Variants in ATP6V1H observed in about 807,000 individuals in gnomAD.
ATP6V1H encodes the protein ATPase H+ transporting V1 subunit H, also known as V-type proton ATPase subunit H.
ATP6V1H carries 39 observed loss-of-function variants against 71.7 expected under a neutral mutation model. That is an observed-to-expected ratio of 0.54 (90% CI 0.42 to 0.71). The LOEUF (loss-of-function observed/expected upper bound fraction) is 0.71. ATP6V1H is among the 30% of genes least tolerant of loss of function. The pLI, the probability that ATP6V1H is intolerant of heterozygous loss-of-function variation, is 0.00. For synonymous variants in ATP6V1H, 192 were observed against 199.3 expected, an observed-to-expected ratio of 0.96 and a Z score of 0.31; for missense variants, 509 against 594.9, an observed-to-expected ratio of 0.86 and a Z score of 1.50.
intron 13 of ATP6V1H, among the ~76,000 whole-genome samples, chr8:53,723,937 A>C (rs1806713800): frequency 6.6e-6 from 1 of 152,256 alleles, no homozygotes; most frequent in Non-Finnish European, 1.5e-5. Context: ...GAATGGACCT[A>C]CTATCACCAA....
At position 53,819,570 on chromosome 8, in the gene ATP6V1H, ATATATATATATATAT is replaced by A. The variant is rs1585823710; in HGVS notation, c.307-2055_307-2041del. Among the ~76,000 whole-genome samples the A allele has an allele frequency of 3.9e-5, 5 of 129,644 alleles. No homozygotes were observed. In the East Asian group the frequency reaches 7.0e-4, roughly 18 times the overall value. The allele number at this position is 129,644 out of a possible 152,430, so 85.1% of individuals were successfully genotyped here. A position where few individuals can be genotyped will look rare whatever the true frequency, so the allele number is the denominator to read the frequency against. ...AGCATATATATATATATATATATAT[ATATATATATATATAT>A]AAAATACACACACATACACACATTG... is the stretch of plus-strand genomic sequence containing the variant. On this transcript the variant is annotated intron_variant, in intron 4 of 13. Transcript: ENST00000359530.
intron 13 of ATP6V1H, among the ~76,000 whole-genome samples, chr8:53,721,693 G>A (rs1214918761): frequency 6.6e-6 from 1 of 152,102 alleles, no homozygotes; most frequent in Admixed American, 6.5e-5. Context: ...ACGACTAATA[G>A]TACTACCTCA....
intron 11 of ATP6V1H, among the ~76,000 whole-genome samples, chr8:53,766,687 AC>A (rs1230966119): frequency 3.3e-5 from 5 of 152,152 alleles, no homozygotes; most frequent in Admixed American, 6.5e-5. Context: ...CCCAGGGTGT[AC>A]CTGTCTCTTA....
At chr8:53,762,338 C>T (rs1027166165) in intron 11 of ATP6V1H, among the ~76,000 whole-genome samples, 7 of 151,864 alleles carry the variant, frequency 4.6e-5, no homozygotes, top group African/African-American at 1.5e-4. Context: ...GGAAATCCTA[C>T]ATGAATGAAG....
intron 9 of ATP6V1H, among the ~76,000 whole-genome samples, chr8:53,792,285 C>A (rs1809591646): frequency 6.6e-6 from 1 of 152,194 alleles, no homozygotes; most frequent in Non-Finnish European, 1.5e-5. Flanking sequence ...AAGACTGTTA[C>A]TTTCATAAAT....
chr8:53,771,102 C>T (rs780629740), intron 10 of ATP6V1H, among the ~76,000 whole-genome samples: 7 of 152,102 alleles, frequency 4.6e-5, no homozygotes, highest in East Asian at 1.9e-4. Context: ...GCAGGGCAGA[C>T]GGAACCTCAC....
chr8:53,715,982 G>A lies in ATP6V1H; in HGVS notation c.1434C>T (p.Thr478=), dbSNP rs753680477. The change falls in exon 14 of 14, where the codon ACC becomes ACT. Residue 478 remains threonine, a synonymous_variant. Transcript: ENST00000359530. ...GKQLQSEQPQ[T]AAARS is the part of the protein sequence containing the mutation. ...GGCAGGCTTAGCTTCGGGCGGCAGC[G>A]GTCTGGGGCTGCTCGGACTGGAGCT... 33 of 1,607,860 alleles carry A rather than the reference G, an allele frequency of 2.1e-5. No individual in the cohort carries two copies. Among genetic ancestry groups the A allele is most frequent in the East Asian group, 4.5e-5 (2 of 44,740 alleles).
intron 13 of ATP6V1H, among the ~76,000 whole-genome samples, chr8:53,741,000 T>A (rs964096191): frequency 6.6e-6 from 1 of 152,146 alleles, no homozygotes; most frequent in African/African-American, 2.4e-5. Flanking sequence ...AGCTTCTCCA[T>A]TAAATGCAAA....
At chr8:53,827,245 T>A (rs766547035) in intron 4 of ATP6V1H, among the ~76,000 whole-genome samples, 1 of 150,874 alleles carries the variant, frequency 6.6e-6, no homozygotes, top group African/African-American at 2.4e-5. Flanking sequence ...TAGCCAGGCA[T>A]GGTGACAGGC....
intron 11 of ATP6V1H, among the ~76,000 whole-genome samples, chr8:53,761,580 G>A (rs926117071): frequency 6.6e-6 from 1 of 151,868 alleles, no homozygotes; most frequent in African/African-American, 2.4e-5. Context: ...CTAAACACTA[G>A]ATTTAAAAAA....
chr8:53,776,299 G>C (rs1230629082), intron 9 of ATP6V1H, among the ~76,000 whole-genome samples: 1 of 152,238 alleles, frequency 6.6e-6, no homozygotes, highest in Non-Finnish European at 1.5e-5. Flanking sequence ...CTCCCTGCAA[G>C]CTGAGGGAGT....
chr8:53,739,604 G>A (rs1430702073), intron 13 of ATP6V1H: 6 of 152,184 alleles, frequency 3.9e-5, no homozygotes, highest in African/African-American at 7.2e-5. Flanking sequence ...TGCACATATC[G>A]TTGCTTCTGC....
chr8:53,730,867 A>T (rs979449540), intron 13 of ATP6V1H, among the ~76,000 whole-genome samples: 1 of 152,204 alleles, frequency 6.6e-6, no homozygotes, highest in Non-Finnish European at 1.5e-5. Flanking sequence ...GAAGGGGAGC[A>T]GTAGGATGAA....
At chr8:53,748,763 C>T (rs1291979028) in intron 12 of ATP6V1H, among the ~76,000 whole-genome samples, 2 of 151,986 alleles carry the variant, frequency 1.3e-5, no homozygotes, top group Non-Finnish European at 2.9e-5. Context: ...TTGCTTTTTC[C>T]TCTTTATTCT....
At chr8:53,727,957 C>A (rs1326686424) in intron 13 of ATP6V1H, among the ~76,000 whole-genome samples, 1 of 152,130 alleles carries the variant, frequency 6.6e-6, no homozygotes, top group East Asian at 1.9e-4. Context: ...CTGTCACTTC[C>A]ATATTTTTAA....
intron 11 of ATP6V1H, among the ~76,000 whole-genome samples, chr8:53,757,397 G>C (rs1283693801): frequency 6.6e-6 from 1 of 152,194 alleles, no homozygotes; most frequent in Non-Finnish European, 1.5e-5. Flanking sequence ...GAGGGAGATG[G>C]TGCTGCTCAG....
chr8:53,787,478 G>C (rs908083758), intron 9 of ATP6V1H, among the ~76,000 whole-genome samples: 2 of 152,218 alleles, frequency 1.3e-5, no homozygotes, highest in Non-Finnish European at 2.9e-5. Flanking sequence ...GAGTATACAT[G>C]TGTAGATGTG....
intron 13 of ATP6V1H, among the ~76,000 whole-genome samples, chr8:53,719,338 T>C (rs936238181): frequency 6.6e-6 from 1 of 152,060 alleles, no homozygotes; most frequent in Non-Finnish European, 1.5e-5. Context: ...GCTCGGCTAA[T>C]TTTTGTATTT....
At position 53,817,497 on chromosome 8, in the gene ATP6V1H, A is replaced by T. The variant is rs753550685; in HGVS notation, c.340T>A (p.Tyr114Asn). 3.7e-6 allele frequency: 6 copies of T among 1,613,158 alleles called. No homozygotes were observed. The South Asian group carries it at 6.6e-5, about 18-fold the overall frequency. Residue 114 changes from tyrosine (Y) to asparagine (N), a missense_variant, in exon 5 of 14, where the codon TAT becomes AAT. Tyr to Asn is a moderately radical substitution (Grantham distance 143). Transcript: ENST00000359530. ...GCAGTGTTCTTGCTACATCTTGCAT[A>T]GTCAAAGAAAATGCTAACACGCTGA... is the stretch of plus-strand genomic sequence containing the variant. The part of the protein sequence containing the change: ...NHQRVSIFFD[Y>N]ARCSKNTAWP...
Sources: allele counts gnomAD v4.1 joint callset (sites outside exome capture counted in the v4.1 genomes callset), GRCh38; gene constraint gnomAD v4.1.1; transcripts MANE v1.5; gene names NCBI Gene and HGNC (gene_info 2026-07-23, HGNC 2026-07-21).